The following MSRA variants were observed in gnomAD, a reference collection of about 807,000 sequenced individuals.
The protein encoded by MSRA is mitochondrial peptide methionine sulfoxide reductase.
A neutral mutation model predicts 31.3 loss-of-function variants in MSRA; 54 were observed. That is an observed-to-expected ratio of 1.73 (90% confidence interval 1.39 to 2.17). The LOEUF (loss-of-function observed/expected upper bound fraction) is 2.17. Ranked by LOEUF, MSRA falls within the 30% of genes most tolerant of loss-of-function variation. MSRA has a pLI of 0.00. For missense variants in MSRA, 507 were observed against 300.9 expected (o/e 1.69, Z -5.07); for synonymous variants, 169 against 116.5 (o/e 1.45, Z -2.90).
chr8:10,092,158 G>C (rs1166136196), intron 1 of MSRA, among the ~76,000 whole-genome samples: 1 of 151,836 alleles, frequency 6.6e-6, no homozygotes, highest in Non-Finnish European at 1.5e-5. Context: ...TTCCACTCTA[G>C]TCTTTATTAT....
intron 1 of MSRA, among the ~76,000 whole-genome samples, chr8:10,205,174 A>T (rs908650049): frequency 3.3e-5 from 5 of 152,180 alleles, no homozygotes; most frequent in African/African-American, 1.2e-4. Flanking sequence ...TCCCTTTGGA[A>T]AGATAATTGT....
chr8:10,355,553 G>C (rs1025976867), intron 5 of MSRA, among the ~76,000 whole-genome samples: 22 of 152,198 alleles, frequency 1.4e-4, no homozygotes, highest in Admixed American at 4.6e-4. Context: ...TGAGGTTGGA[G>C]GAGTGGGCTC....
chr8:10,352,617 C>G (rs1290238768), intron 5 of MSRA, among the ~76,000 whole-genome samples: 1 of 152,098 alleles, frequency 6.6e-6, no homozygotes, highest in Non-Finnish European at 1.5e-5. Context: ...GCCATTTTGT[C>G]TCGGTAAAAT....
chr8:10,131,467 G>A (rs558090490), intron 1 of MSRA, among the ~76,000 whole-genome samples: 1 of 152,370 alleles, frequency 6.6e-6, no homozygotes, highest in Admixed American at 6.5e-5. Flanking sequence ...ATGCCGGGGA[G>A]TGGCATTCAC....
At chr8:10,128,127 C>G (rs976515915) in intron 1 of MSRA, among the ~76,000 whole-genome samples, 1 of 152,094 alleles carries the variant, frequency 6.6e-6, no homozygotes, top group Non-Finnish European at 1.5e-5. Flanking sequence ...CCTGTAATCC[C>G]AGCACTTTGG....
chr8:10,410,330 G>A (rs1045596047), intron 5 of MSRA, among the ~76,000 whole-genome samples: 1 of 152,180 alleles, frequency 6.6e-6, no homozygotes, highest in African/African-American at 2.4e-5. Flanking sequence ...TGTTTGGGGG[G>A]TGCCGGTGGA....
chr8:10,282,281 G>A (rs928731288), intron 3 of MSRA, among the ~76,000 whole-genome samples: 1 of 152,198 alleles, frequency 6.6e-6, no homozygotes, highest in African/African-American at 2.4e-5. Context: ...ACACAGTGCA[G>A]AAATCATTAC....
intron 4 of MSRA, among the ~76,000 whole-genome samples, chr8:10,308,502 C>T (rs921381199): frequency 1.6e-4 from 24 of 152,190 alleles, no homozygotes; most frequent in African/African-American, 5.3e-4. Context: ...TCCATAATGC[C>T]CTGTTAAAAA....
chr8:10,424,894 G>A (rs1390944608), intron 5 of MSRA, among the ~76,000 whole-genome samples: 3 of 152,206 alleles, frequency 2.0e-5, no homozygotes, highest in African/African-American at 7.2e-5. Flanking sequence ...CGCACACAGC[G>A]GGGCCCACCC....
At chr8:10,154,776 T>C (rs1484020049) in intron 1 of MSRA, among the ~76,000 whole-genome samples, 2 of 152,122 alleles carry the variant, frequency 1.3e-5, no homozygotes, top group African/African-American at 4.8e-5. Flanking sequence ...AATATATCAA[T>C]TGTATGAAGA....
At chr8:10,274,745 C>T (rs1475887418) in intron 3 of MSRA, among the ~76,000 whole-genome samples, 1 of 152,070 alleles carries the variant, frequency 6.6e-6, no homozygotes, top group African/African-American at 2.4e-5. Flanking sequence ...GTACACCCAC[C>T]CACTCACCCA....
At chr8:10,345,816 A>G (rs551937685) in intron 5 of MSRA, among the ~76,000 whole-genome samples, 2 of 152,320 alleles carry the variant, frequency 1.3e-5, no homozygotes, top group South Asian at 4.1e-4. Flanking sequence ...AGGAGACTAA[A>G]AGGTCAAATC....
chr8:10,412,738 T>C (rs1312211959), intron 5 of MSRA, among the ~76,000 whole-genome samples: 1 of 152,116 alleles, frequency 6.6e-6, no homozygotes, highest in African/African-American at 2.4e-5. Flanking sequence ...CATTAGTCAT[T>C]GGAGAAATGC....
At chr8:10,406,375 G>C (rs1001612266) in intron 5 of MSRA, among the ~76,000 whole-genome samples, 6 of 152,242 alleles carry the variant, frequency 3.9e-5, no homozygotes, top group African/African-American at 9.6e-5. Flanking sequence ...TCTACAAGAT[G>C]ATATTGTCAC....
intron 1 of MSRA, among the ~76,000 whole-genome samples, chr8:10,127,634 A>G (rs1218934994): frequency 2.6e-5 from 4 of 152,210 alleles, no homozygotes; most frequent in Non-Finnish European, 5.9e-5. Flanking sequence ...TTAACATCCA[A>G]TCCATCAATG....
chr8:10,207,452 C>A (rs1393642025), intron 1 of MSRA, among the ~76,000 whole-genome samples: 1 of 152,194 alleles, frequency 6.6e-6, no homozygotes, highest in South Asian at 2.1e-4. Context: ...TGTTAGGAGT[C>A]TGCAGGGGGA....
intron 3 of MSRA, among the ~76,000 whole-genome samples, chr8:10,270,426 A>G (rs577993918): frequency 1.3e-5 from 2 of 149,814 alleles, no homozygotes; most frequent in East Asian, 2.0e-4. Context: ...AAAAAAAACT[A>G]TCCTCTACTA....
chr8:10,130,610 C>G (rs1296569545), intron 1 of MSRA, among the ~76,000 whole-genome samples: 1 of 152,150 alleles, frequency 6.6e-6, no homozygotes, highest in Non-Finnish European at 1.5e-5. Flanking sequence ...CTTGGCGTCA[C>G]TATGCACACA....
At chr8:10,126,948 A>G (rs1044929866) in intron 1 of MSRA, among the ~76,000 whole-genome samples, 8 of 151,712 alleles carry the variant, frequency 5.3e-5, no homozygotes, top group Admixed American at 5.2e-4. Context: ...GTGCTCGCTC[A>G]CCTGCCACTC....
Sources: gnomAD v4.1 joint callset for allele counts (sites outside exome capture counted in the v4.1 genomes callset) on GRCh38, gnomAD v4.1.1 for gene constraint, MANE v1.5 for transcripts, NCBI Gene and HGNC (gene_info 2026-07-23, HGNC 2026-07-21) for gene names.